LMTK3: variants seen among roughly 807,000 people sequenced by gnomAD.
The protein encoded by LMTK3 is serine/threonine-protein kinase LMTK3.
In LMTK3, 27 loss-of-function variants were observed where a neutral mutation model predicts 116.7. The ratio of observed to expected loss-of-function variants is 0.23; its 90% CI spans 0.17 to 0.32. LMTK3 has a LOEUF of 0.32. Among genes scored for constraint, LMTK3 ranks in the 10% least tolerant of loss-of-function variants. The pLI, the probability that LMTK3 is intolerant of heterozygous loss-of-function variation, is 1.00. For missense variants in LMTK3, 1,764 were observed against 2,068.5 expected (o/e 0.85, Z 2.86); for synonymous variants, 965 against 971.0 (o/e 0.99, Z 0.11).
Position 48,498,213 on chromosome 19 carries a change from G to T in LMTK3, c.2856C>A (p.Pro952=). The change falls in exon 11 of 15, where the codon CCC becomes CCA. Residue 952 remains proline, a synonymous_variant. Coordinates refer to ENST00000600059, the MANE Select transcript of LMTK3 (RefSeq NM_001388485.1). ...KAAENGALGS[P]EREEKVLENG... ...TCTCCAGCACTTTCTCTTCTCTCTC[G>T]GGGGACCCCAGGGCCCCATTCTCCG... 6.2e-7 allele frequency: 1 copy of T among 1,612,740 alleles called. No individual in the cohort carries two copies.
chr19:48,491,205 G>C lies in LMTK3; in HGVS notation c.4269C>G (p.Pro1423=), dbSNP rs749973534. Residue 1423 remains proline, a synonymous_variant, in exon 14 of 15, where the codon CCC becomes CCG. Coordinates refer to ENST00000600059, the MANE Select transcript of LMTK3 (RefSeq NM_001388485.1). This position sits in a 1 kb window ranked among gnomAD's most constrained non-coding sequence, Gnocchi z 5.1. ...FEWAEDFPLL[P]PPGPPLCFSR... ...AGAAGCACAGCGGGGGGCCTGGAGG[G>C]GGGAGGAGGGGGAAATCCTCCGCCC... 6.4e-6 allele frequency: 9 copies of C among 1,406,668 alleles called. No homozygotes were observed. In the South Asian group the frequency reaches 8.3e-5, roughly 13 times the overall value. The allele number at this position is 1,406,668 out of a possible 1,614,324, so 87.1% of individuals were successfully genotyped here.
rs930939666 is a variant in LMTK3, at chr19:48,497,881, G to A, written c.3188C>T (p.Ser1063Phe). ...ERAPAPSAVV[S>F]SRNGGETAPG... ...GGCTGTCTCCCCGCCGTTCCGGGAG[G>A]AGACCACTGCGCTGGGTGCAGGGGC... Residue 1063 changes from serine to phenylalanine, a missense_variant, in exon 11 of 15, where the codon TCC becomes TTC. Physicochemically the swap from Ser to Phe is radical, Grantham distance 155. Around this residue, in one of 7 missense-constraint regions of LMTK3, gnomAD observed 1,028 missense variants for 1,050.6 expected, o/e 0.98. Coordinates refer to ENST00000600059, the MANE Select transcript of LMTK3 (RefSeq NM_001388485.1). The surrounding 1 kb of genome is among the most constrained non-coding windows in gnomAD (Gnocchi z 5.7). 23 of 1,455,370 alleles carry A rather than the reference G, an allele frequency of 1.6e-5. No homozygotes were observed. Among genetic ancestry groups the A allele is most frequent in the Non-Finnish European group, 1.9e-5 (21 of 1,107,386 alleles). The allele number at this position is 1,455,370 out of a possible 1,614,324, so 90.2% of individuals were successfully genotyped here. A position where few individuals can be genotyped will look rare whatever the true frequency, so the allele number is the denominator to read the frequency against.
chr19:48,495,959 C>A (rs1972315272), intron 11 of LMTK3, among the ~76,000 whole-genome samples: 1 of 152,220 alleles, frequency 6.6e-6, no homozygotes, highest in Non-Finnish European at 1.5e-5. Flanking sequence ...GCTCACTAGT[C>A]CTATGGTGGT....
Position 48,497,351 on chromosome 19 carries a change from C to T in LMTK3, c.3676+42G>A. 2 of 1,423,760 alleles carry T rather than the reference C, an allele frequency of 1.4e-6. No individual in the cohort carries two copies. Among genetic ancestry groups the T allele is most frequent in the Non-Finnish European group, 1.8e-6 (2 of 1,083,490 alleles). The allele number at this position is 1,423,760 out of a possible 1,614,324, so 88.2% of individuals were successfully genotyped here. A position where few individuals can be genotyped will look rare whatever the true frequency, so the allele number is the denominator to read the frequency against. Reference sequence around the variant, plus strand: ...ACTCACCCTCCGCACGCCTCGGAAACAGCCGGACCTCAGCCCTGACTGTGC... The same window carrying T: ...ACTCACCCTCCGCACGCCTCGGAAATAGCCGGACCTCAGCCCTGACTGTGC... On this transcript the variant is annotated intron_variant, in intron 11 of 14. Coordinates refer to ENST00000600059, the MANE Select transcript of LMTK3 (RefSeq NM_001388485.1). This position sits in a 1 kb window ranked among gnomAD's most constrained non-coding sequence, Gnocchi z 5.7.
intron 14 of LMTK3, among the ~76,000 whole-genome samples, chr19:48,489,232 G>A (rs1039293160): frequency 3.3e-5 from 5 of 152,202 alleles, no homozygotes; most frequent in Admixed American, 6.5e-5. Context: ...CGCAGAAGAT[G>A]ATCAGAAAAC....
Position 48,491,489 on chromosome 19 carries a change from C to A in LMTK3, c.4143G>T (p.Thr1381=). The A allele has an allele frequency of 7.1e-7, 1 of 1,407,376 alleles. No individual in the cohort carries two copies. The allele number at this position is 1,407,376 out of a possible 1,614,324, so 87.2% of individuals were successfully genotyped here. A position where few individuals can be genotyped will look rare whatever the true frequency, so the allele number is the denominator to read the frequency against. ...GGGGCGCTGGAGGCGTTGACGGGTC[C>A]GTGTCCCCCTCGGGGGGGGCCTGGA... The part of the protein sequence containing the change: ...LSVQAPPEGD[T]DPSTPPAPPT... The change falls in exon 13 of 15, where the codon ACG becomes ACT. Residue 1381 remains threonine, a synonymous_variant. Transcript: ENST00000600059. This position sits in a 1 kb window ranked among gnomAD's most constrained non-coding sequence, Gnocchi z 5.1.
chr19:48,512,246 A>G (rs1353947640), upstream of LMTK3, among the ~76,000 whole-genome samples: 2 of 152,142 alleles, frequency 1.3e-5, no homozygotes, highest in Non-Finnish European at 2.9e-5. Context: ...GCAGACGGGG[A>G]CACGTACACG....
Position 48,508,862 on chromosome 19 carries a change from T to C in LMTK3, c.546A>G (p.Ala182=). ...GAAACCCTCAGTACCTGTACGGCTGTGCTTCCGAGATGAACTTGCGTTGCT... is the reference window on the plus strand; with the variant it reads ...GAAACCCTCAGTACCTGTACGGCTGCGCTTCCGAGATGAACTTGCGTTGCT... ...PLEQRKFISE[A]QPYRSLQHPN... Residue 182 remains alanine (A), a synonymous_variant, in exon 5 of 15, where the codon GCA becomes GCG. Transcript: ENST00000600059. The C allele has an allele frequency of 6.2e-7, 1 of 1,613,396 alleles. No homozygotes were observed. Among genetic ancestry groups the C allele is most frequent in the Non-Finnish European group, 8.5e-7 (1 of 1,179,464 alleles).
intron 1 of LMTK3, 71 bp downstream of exon 1, chr19:48,511,430 C>T (rs536884464): frequency 4.8e-6 from 3 of 624,150 alleles, no homozygotes; most frequent in South Asian, 7.3e-5. Context: ...CGCAGACAGA[C>T]CCCTGGGCAG....
chr19:48,497,455 G>T lies in LMTK3; in HGVS notation c.3614C>A (p.Pro1205His). 6.5e-7 allele frequency: 1 copy of T among 1,532,908 alleles called. No homozygotes were observed. Among genetic ancestry groups the T allele is most frequent in the South Asian group, 1.2e-5 (1 of 80,744 alleles). The allele number at this position is 1,532,908 out of a possible 1,614,324, so 95.0% of individuals were successfully genotyped here. A position where few individuals can be genotyped will look rare whatever the true frequency, so the allele number is the denominator to read the frequency against. The change falls in exon 11 of 15, where the codon CCC (proline) becomes CAC (histidine). Residue 1205 changes from proline to histidine, a missense_variant. Coordinates refer to ENST00000600059, the MANE Select transcript of LMTK3 (RefSeq NM_001388485.1). This position sits in a 1 kb window ranked among gnomAD's most constrained non-coding sequence, Gnocchi z 5.7. ...GDPPKPERKG[P>H]EMPRLFLDLG... ...GTCCAAGAATAGTCGTGGCATCTCG[G>T]GGCCCTTCCTCTCGGGCTTGGGGGG...
In LMTK3 at chr19:48,502,829, G is replaced by A. The variant is rs764593483; in HGVS notation, c.645+80C>T. On this transcript the variant is annotated intron_variant, in intron 6 of 14. Coordinates refer to ENST00000600059, the MANE Select transcript of LMTK3 (RefSeq NM_001388485.1). ...CTACGATGATGATGATGATGACGAC[G>A]AAGCCCAGGGGCACCAGGCTTGGCC... 62 of 1,078,406 alleles carry A rather than the reference G, an allele frequency of 5.7e-5. 1 individual carries two copies. In the East Asian group the frequency reaches 1.4e-3, roughly 24 times the overall value. The allele number at this position is 1,078,406 out of a possible 1,614,324, so 66.8% of individuals were successfully genotyped here. A position where few individuals can be genotyped will look rare whatever the true frequency, so the allele number is the denominator to read the frequency against.
At chr19:48,501,706 T>C in intron 7 of LMTK3, 144 bp from the exon 8 acceptor site, 1 of 829,706 alleles carries the variant, frequency 1.2e-6, no homozygotes, top group Admixed American at 2.1e-5. Context: ...GTCTCTCCCC[T>C]CTGACTGCTT....
rs1601047204 is a variant in LMTK3, at chr19:48,497,817, C to T, written c.3252G>A (p.Leu1084=). ...GGGCTCTCCTCTCGGTCCCGGGTTC[C>T]AGCGTCCCGTTCTTGGGGGCTGGGC... The part of the protein sequence containing the change: ...PLGPAPKNGT[L]EPGTERRAPE... The change falls in exon 11 of 15, where the codon CTG becomes CTA. Residue 1084 remains leucine, a synonymous_variant. Transcript: ENST00000600059. The surrounding 1 kb of genome is among the most constrained non-coding windows in gnomAD (Gnocchi z 5.7). The T allele has an allele frequency of 2.2e-6, 3 of 1,392,210 alleles. No individual in the cohort carries two copies. The highest frequency in any genetic ancestry group is 2.8e-6 in the Non-Finnish European group (3 of 1,079,054). 86.2% of individuals were successfully genotyped at this position (1,392,210 alleles called of 1,614,324 possible).
At chr19:48,513,431 CCCGGT>C (rs1466307044), upstream of LMTK3, 1 of 551,088 alleles carries the variant, frequency 1.8e-6, no homozygotes, top group African/African-American at 1.9e-5. The surrounding 1 kb of genome is among the most constrained non-coding windows in gnomAD (Gnocchi z 5.6). Flanking sequence ...GGGACTGGAA[CCCGGT>C]CCATCGGGGA....
rs780506017 is a variant in LMTK3 at position 48,497,581 on chromosome 19, G to A, written c.3488C>T (p.Pro1163Leu). The change falls in exon 11 of 15, where the codon CCA becomes CTA. Residue 1163 changes from proline (P) to leucine (L), a missense_variant. This residue lies in a region of LMTK3 where 1,028 missense variants were observed against 1,050.6 expected (regional missense o/e 0.98). Coordinates refer to ENST00000600059, the MANE Select transcript of LMTK3 (RefSeq NM_001388485.1). This position sits in a 1 kb window ranked among gnomAD's most constrained non-coding sequence, Gnocchi z 5.7. ...CTCCGGCCTGGCTCTCGGGGGCGCT[G>A]GCTCCAGCCTCCTCGGCTGTGCCTC... ...PPEAQPRRLE[P>L]APPRARPEVA... 7.5e-7 allele frequency: 1 copy of A among 1,335,274 alleles called. No homozygotes were observed. The highest frequency in any genetic ancestry group is 9.6e-7 in the Non-Finnish European group (1 of 1,041,962). The allele number at this position is 1,335,274 out of a possible 1,614,324, so 82.7% of individuals were successfully genotyped here. A position where few individuals can be genotyped will look rare whatever the true frequency, so the allele number is the denominator to read the frequency against.
At position 48,494,253 on chromosome 19, in the gene LMTK3, T is replaced by G; in HGVS notation, c.3677-144A>C. ...TGAACGGAAGGGCTGCACCAGGGCT[T>G]CTCCAGGCAGGGTGGGAAAGGTCCT... On this transcript the variant is annotated intron_variant, in intron 11 of 14. Transcript: ENST00000600059. The surrounding 1 kb of genome is among the most constrained non-coding windows in gnomAD (Gnocchi z 4.0). The G allele has an allele frequency of 2.6e-6, 1 of 391,328 alleles. No homozygotes were observed. Among genetic ancestry groups the G allele is most frequent in the Non-Finnish European group, 3.8e-6 (1 of 263,436 alleles). 24.2% of individuals were successfully genotyped at this position (391,328 alleles called of 1,614,324 possible).
rs1031043263 is a variant in LMTK3, at chr19:48,498,803, G to C, written c.2266C>G (p.Pro756Ala). Reference sequence around the variant, plus strand: ...GCGGGGGCCCGAGGAGGTGGCGGCGGGGGGGGGGGAGCGGGAGGTGGCCCC... The same window carrying C: ...GCGGGGGCCCGAGGAGGTGGCGGCGCGGGGGGGGGAGCGGGAGGTGGCCCC... ...GRGPPPAPPP[P>A]PPPPRAPADP... Residue 756 changes from proline to alanine, a missense_variant, in exon 11 of 15, where the codon CCG becomes GCG. Physicochemically the swap from Pro to Ala is conservative, Grantham distance 27. Transcript: ENST00000600059. The C allele has an allele frequency of 5.6e-6, 6 of 1,069,770 alleles. 1 individual carries two copies. Among genetic ancestry groups the C allele is most frequent in the Non-Finnish European group, 7.3e-6 (6 of 825,934 alleles). The allele number at this position is 1,069,770 out of a possible 1,614,324, so 66.3% of individuals were successfully genotyped here.
In LMTK3 at chr19:48,501,337, C is replaced by T; in HGVS notation, c.947G>A (p.Gly316Glu). The change falls in exon 9 of 15, where the codon GGG becomes GAG. Residue 316 changes from glycine (G) to glutamate (E), a missense_variant. Physicochemically the swap from Gly to Glu is moderately conservative, Grantham distance 98. Transcript: ENST00000600059. ...CACCATGAAGGTCCCGTGGAGCTCC[C>T]CGAGGAGCTCGGGCGCCGCCCAGCG... ...PLRWAAPELL[G>E]ELHGTFMVVD... is the part of the protein sequence containing the mutation. 1 of 1,613,488 alleles carries T rather than the reference C, an allele frequency of 6.2e-7. No individual in the cohort carries two copies. The highest frequency in any genetic ancestry group is 8.5e-7 in the Non-Finnish European group (1 of 1,179,788).
Position 48,497,408 on chromosome 19 carries a change from T to G in LMTK3, c.3661A>C (p.Ser1221Arg), listed in dbSNP as rs1972346537. ...FLDLGPPQGN[S>R]EQIKARLSRL... ...GCCTCCTCACCTTTGATCTGCTCGC[T>G]GTTCCCCTGAGGGGGTCCCAAGTCC... The change falls in exon 11 of 15, where the codon AGC (serine) becomes CGC (arginine). Residue 1221 changes from serine to arginine, a missense_variant. Coordinates refer to ENST00000600059, the MANE Select transcript of LMTK3 (RefSeq NM_001388485.1). This position sits in a 1 kb window ranked among gnomAD's most constrained non-coding sequence, Gnocchi z 5.7. 1 of 1,528,298 alleles carries G rather than the reference T, an allele frequency of 6.5e-7. No individual in the cohort carries two copies. Among genetic ancestry groups the G allele is most frequent in the African/African-American group, 1.4e-5 (1 of 69,340 alleles). 94.7% of individuals were successfully genotyped at this position (1,528,298 alleles called of 1,614,324 possible). A position where few individuals can be genotyped will look rare whatever the true frequency, so the allele number is the denominator to read the frequency against.
Sources: allele counts gnomAD v4.1 joint callset (sites outside exome capture counted in the v4.1 genomes callset), GRCh38; gene constraint gnomAD v4.1.1; regional missense constraint gnomAD v4.1.1; non-coding constraint Gnocchi (gnomAD v3.1); transcripts MANE v1.5; gene names NCBI Gene and HGNC (gene_info 2026-07-23, HGNC 2026-07-21).